Variants in LSP1 observed in about 807,000 individuals in gnomAD.
LSP1 encodes lymphocyte specific protein 1.
A neutral mutation model predicts 49.3 loss-of-function variants in LSP1; 32 were observed. The observed-to-expected ratio is 0.65, with a 90% confidence interval of 0.49 to 0.87. The LOEUF (loss-of-function observed/expected upper bound fraction) is 0.87, where lower values mean the gene tolerates loss of function less well. Among genes scored for constraint, LSP1 ranks in the 40% least tolerant of loss-of-function variants. LSP1 has a pLI of 0.00. For synonymous variants in LSP1, 179 were observed against 178.8 expected (o/e 1.00, Z -0.01); for missense variants, 428 against 442.6 (o/e 0.97, Z 0.30).
chr11:1,856,234 C>T (rs1304389323), intron 1 of LSP1, among the ~76,000 whole-genome samples: 1 of 152,240 alleles, frequency 6.6e-6, no homozygotes, highest in Non-Finnish European at 1.5e-5. Context: ...CCATGAGCGA[C>T]CAGGCCGTGT....
chr11:1,873,438 T>A (rs1287752359), intron 1 of LSP1, among the ~76,000 whole-genome samples: 2 of 144,222 alleles, frequency 1.4e-5, no homozygotes, highest in African/African-American at 5.0e-5. Flanking sequence ...AGGGAGGAGA[T>A]CTCACTCCTC....
intron 1 of LSP1, chr11:1,866,980 C>G: frequency 7.1e-7 from 1 of 1,402,442 alleles, no homozygotes; most frequent in Non-Finnish European, 9.4e-7. Context: ...CCCTGTGGAC[C>G]TGGGGAGGAG....
At position 1,887,325 on chromosome 11, in the gene LSP1, A is replaced by G. The variant is rs749639908; in HGVS notation, c.930+11A>G. The G allele has an allele frequency of 1.0e-5, 16 of 1,604,436 alleles. No homozygotes were observed. In the South Asian group the frequency reaches 1.4e-4, roughly 14 times the overall value. The stretch of plus-strand genomic sequence containing the variant: ...TCATCAACAATTAAGGTAGAGCCTA[A>G]ATGTGGTTGGTGCAGGCAGGGTGGG... On this transcript the variant is annotated intron_variant, in intron 9 of 10. Transcript: ENST00000311604.
chr11:1,865,987 T>C (rs1349673245), intron 1 of LSP1, among the ~76,000 whole-genome samples: 1 of 151,954 alleles, frequency 6.6e-6, no homozygotes, highest in Non-Finnish European at 1.5e-5. Context: ...GCCTGTTTCT[T>C]CCTCTGTAAA....
At chr11:1,866,893 G>A in intron 1 of LSP1, 2 of 1,521,452 alleles carry the variant, frequency 1.3e-6, no homozygotes, top group South Asian at 2.4e-5. Context: ...AGCGGGCCCA[G>A]CACCAACTGC....
chr11:1,861,934 G>A (rs1847649496), intron 1 of LSP1, among the ~76,000 whole-genome samples: 1 of 110,406 alleles, frequency 9.1e-6, no homozygotes, highest in Admixed American at 9.0e-5. Context: ...TGGATGGATT[G>A]ATGAGTGGAT....
intron 1 of LSP1, among the ~76,000 whole-genome samples, chr11:1,872,943 A>G (rs1038948136): frequency 6.6e-6 from 1 of 151,936 alleles, no homozygotes; most frequent in African/African-American, 2.4e-5. Context: ...ACCCTATCCC[A>G]TCCCAAGTTG....
At chr11:1,864,914 C>G (rs1251356792) in intron 1 of LSP1, among the ~76,000 whole-genome samples, 1 of 152,088 alleles carries the variant, frequency 6.6e-6, no homozygotes, top group East Asian at 2.0e-4. Context: ...GGGGCCAAGA[C>G]AGGCAGGCAG....
At chr11:1,879,613 C>A (rs1848452794) in intron 1 of LSP1, among the ~76,000 whole-genome samples, 2 of 152,198 alleles carry the variant, frequency 1.3e-5, no homozygotes, top group African/African-American at 4.8e-5. Flanking sequence ...CAGGAGGGAG[C>A]ACCCGCAGGT....
chr11:1,870,499 C>A, intron 1 of LSP1: 1 of 1,194,254 alleles, frequency 8.4e-7, no homozygotes, highest in East Asian at 5.9e-5. Context: ...GGCCGGGCAC[C>A]CCAGAGCTCC....
chr11:1,864,286 GAGA>G (rs990534292), intron 1 of LSP1: 17 of 982,132 alleles, frequency 1.7e-5, no homozygotes, highest in Non-Finnish European at 1.7e-5. Context: ...GCCGACGAAG[GAGA>G]AGAACAGAGG....
chr11:1,855,656 C>T lies in LSP1; in HGVS notation c.53+2459C>T, dbSNP rs530388575. ...CCTGGGCGGGGTCCAGGCTCCGCTT[C>T]GGCTACCAGCCAGGCTGGACTGCGG... On this transcript the variant is annotated intron_variant, in intron 1 of 10. Transcript: ENST00000311604. Among the ~76,000 whole-genome samples the T allele has an allele frequency of 3.8e-3, 573 of 152,332 alleles. 4 individuals carry two copies. The highest frequency in any genetic ancestry group is 0.013 in the African/African-American group (523 of 41,574).
rs1010737689 is a variant in LSP1, at chr11:1,864,772, G to A, written c.53+11575G>A. On this transcript the variant is annotated intron_variant, in intron 1 of 10. Coordinates refer to ENST00000311604, the MANE Select transcript of LSP1 (RefSeq NM_002339.3). ...GGGACCAGGCTGCCTGCAGGGAGCCGGCCTGCAGACCCTCGTGCCAGGAGC... is the reference window on the plus strand; with the variant it reads ...GGGACCAGGCTGCCTGCAGGGAGCCAGCCTGCAGACCCTCGTGCCAGGAGC... Among the ~76,000 whole-genome samples, 9 of 151,958 alleles carry A rather than the reference G, an allele frequency of 5.9e-5. No individual in the cohort carries two copies. The East Asian group carries it at 7.8e-4, about 13-fold the overall frequency.
chr11:1,887,388 C>T, intron 9 of LSP1, 74 bp downstream of exon 9: 1 of 1,573,890 alleles, frequency 6.4e-7, no homozygotes, highest in Non-Finnish European at 8.7e-7. Context: ...GTCCTCTGTG[C>T]ATCTGGGAGG....
chr11:1,857,135 G>A (rs1487234816), intron 1 of LSP1, among the ~76,000 whole-genome samples: 3 of 152,182 alleles, frequency 2.0e-5, no homozygotes, highest in African/African-American at 4.8e-5. Context: ...CTCGTGGGCT[G>A]GCAGGCGCTG....
At chr11:1,854,805 TG>T (rs1337591491) in intron 1 of LSP1, among the ~76,000 whole-genome samples, 1 of 152,206 alleles carries the variant, frequency 6.6e-6, no homozygotes, top group African/African-American at 2.4e-5. Flanking sequence ...GTGCTGCTCC[TG>T]GTCACCTCAT....
chr11:1,871,323 G>A (rs999899530), intron 1 of LSP1: 29 of 986,196 alleles, frequency 2.9e-5, no homozygotes, highest in Middle Eastern at 1.0e-3. Flanking sequence ...CAGGCTGGTC[G>A]CCGCAGATGG....
At chr11:1,890,401 A>G (rs1461221484) in intron 10 of LSP1, 1 of 716,936 alleles carries the variant, frequency 1.4e-6, no homozygotes. Flanking sequence ...GAGGTGCGGA[A>G]GGCCCTGGGT....
At chr11:1,866,252 A>G (rs764924243) in intron 1 of LSP1, among the ~76,000 whole-genome samples, 76 of 152,166 alleles carry the variant, frequency 5.0e-4, no homozygotes, top group Non-Finnish European at 4.3e-4. Context: ...CTTTGATGGC[A>G]TGGAGCATGC....
Sources: gnomAD v4.1 joint callset for allele counts (sites outside exome capture counted in the v4.1 genomes callset) on GRCh38, gnomAD v4.1.1 for gene constraint, MANE v1.5 for transcripts, NCBI Gene and HGNC (gene_info 2026-07-23, HGNC 2026-07-21) for gene names.